SEMA3A: variants seen among roughly 807,000 people sequenced by gnomAD.
The protein encoded by SEMA3A is semaphorin 3A.
In SEMA3A, 29 loss-of-function variants were observed where a neutral mutation model predicts 97.9. That is an observed-to-expected ratio of 0.30 (90% CI 0.22 to 0.40). The LOEUF (loss-of-function observed/expected upper bound fraction) is 0.40. Among genes scored for constraint, SEMA3A ranks in the 10% least tolerant of loss-of-function variants. The probability of loss-of-function intolerance (pLI) is 1.00; values close to 1 mark genes in which losing one functional copy is unlikely to be tolerated. For synonymous variants in SEMA3A, 321 were observed against 323.7 expected (o/e 0.99, Z 0.09); for missense variants, 763 against 951.3 (o/e 0.80, Z 2.60).
intron 1 of SEMA3A, among the ~76,000 whole-genome samples, chr7:84,162,303 T>C (rs1000881785): frequency 6.6e-6 from 1 of 152,104 alleles, no homozygotes; most frequent in East Asian, 1.9e-4. Flanking sequence ...TGATCCTGTG[T>C]GTACACAATA....
At chr7:84,404,903 A>G (rs1314337429) in intron 1 of SEMA3A, among the ~76,000 whole-genome samples, 1 of 152,214 alleles carries the variant, frequency 6.6e-6, no homozygotes, top group African/African-American at 2.4e-5. Context: ...AGCACTAAAC[A>G]TGGAAAGGAA....
intron 6 of SEMA3A, among the ~76,000 whole-genome samples, chr7:84,023,417 AT>A (rs1427294311): frequency 6.6e-6 from 1 of 152,206 alleles, no homozygotes; most frequent in African/African-American, 2.4e-5. Context: ...TAATTAAGGC[AT>A]TTGGGGTATC....
intron 1 of SEMA3A, among the ~76,000 whole-genome samples, chr7:84,451,509 A>G (rs1008617458): frequency 3.3e-5 from 5 of 152,158 alleles, no homozygotes; most frequent in African/African-American, 9.7e-5. Context: ...GATTTTGATT[A>G]CTCTTACCTA....
chr7:84,470,010 GAA>G (rs1019714423), intron 1 of SEMA3A, among the ~76,000 whole-genome samples: 3 of 151,524 alleles, frequency 2.0e-5, no homozygotes, highest in Admixed American at 1.3e-4. Context: ...TAAAATGAAA[GAA>G]AATCATTAAA....
rs1206953754 is a variant in SEMA3A, at chr7:84,099,139, C to T, written c.453+11331G>A. Among the ~76,000 whole-genome samples the T allele has an allele frequency of 4.1e-4, 21 of 51,432 alleles. 4 individuals carry two copies. Among genetic ancestry groups the T allele is most frequent in the African/African-American group, 6.0e-4 (15 of 24,924 alleles). 33.7% of individuals were successfully genotyped at this position (51,432 alleles called of 152,430 possible). A position where few individuals can be genotyped will look rare whatever the true frequency, so the allele number is the denominator to read the frequency against. On this transcript the variant is annotated intron_variant, in intron 4 of 16. Transcript: ENST00000265362. Reference sequence around the variant, plus strand: ...AGGCTGGAGTGCAGTGGCGCGATCTCGGCTCACTGCAAGCTCCGCCTCCCG... The same window carrying T: ...AGGCTGGAGTGCAGTGGCGCGATCTTGGCTCACTGCAAGCTCCGCCTCCCG...
intron 1 of SEMA3A, among the ~76,000 whole-genome samples, chr7:84,445,517 A>AAAAAAAAAAAAAAAAAAAAAG: frequency 8.3e-6 from 1 of 119,788 alleles, no homozygotes; most frequent in Non-Finnish European, 1.6e-5. Context: ...AAAAAAAAAA[A>AAAAAAAAAAAAAAAAAAAAAG]AAAGAAAAGA....
intron 3 of SEMA3A, among the ~76,000 whole-genome samples, chr7:84,215,206 G>A (rs993855946): frequency 5.3e-5 from 8 of 151,368 alleles, no homozygotes; most frequent in African/African-American, 1.2e-4. Flanking sequence ...TTTTTTGGAC[G>A]TGGAGTTTTA....
chr7:84,481,664 A>G (rs1372272957), intron 1 of SEMA3A, among the ~76,000 whole-genome samples: 1 of 152,026 alleles, frequency 6.6e-6, no homozygotes, highest in African/African-American at 2.4e-5. Flanking sequence ...AATTAAGTTC[A>G]CTCTTTTCAG....
At chr7:84,069,773 C>G (rs1793672525) in intron 4 of SEMA3A, among the ~76,000 whole-genome samples, 1 of 152,008 alleles carries the variant, frequency 6.6e-6, no homozygotes, top group South Asian at 2.1e-4. Flanking sequence ...AAACAGCGTC[C>G]TCTTTAATAT....
At chr7:84,202,246 A>T (rs1054349459) in intron 3 of SEMA3A, among the ~76,000 whole-genome samples, 2 of 152,176 alleles carry the variant, frequency 1.3e-5, no homozygotes. Flanking sequence ...CAAAAGTGAT[A>T]ACTATGGGAG....
At chr7:84,061,835 T>C (rs184628711) in intron 4 of SEMA3A, among the ~76,000 whole-genome samples, 82 of 152,342 alleles carry the variant, frequency 5.4e-4, no homozygotes, top group African/African-American at 1.8e-3. Flanking sequence ...ATTTATTCTG[T>C]ATTTGGCAAT....
At chr7:84,220,661 TTG>T in intron 3 of SEMA3A, among the ~76,000 whole-genome samples, 1 of 152,162 alleles carries the variant, frequency 6.6e-6, no homozygotes, top group Non-Finnish European at 1.5e-5. Flanking sequence ...ATCAAAGCTG[TTG>T]GGTAATGAAG....
intron 16 of SEMA3A, 137 bp downstream of exon 16, chr7:83,963,068 C>A (rs1296136137): frequency 9.9e-6 from 9 of 910,064 alleles, no homozygotes; most frequent in Non-Finnish European, 1.4e-5. Flanking sequence ...AACACTTGTT[C>A]AATGAATGAG....
intron 3 of SEMA3A, among the ~76,000 whole-genome samples, chr7:84,113,726 A>G (rs1471596437): frequency 6.6e-6 from 1 of 152,168 alleles, no homozygotes; most frequent in African/African-American, 2.4e-5. Context: ...TGGCTTCCCA[A>G]GAGTCAGGCA....
At chr7:84,311,018 T>TA (rs1801300764) in intron 2 of SEMA3A, among the ~76,000 whole-genome samples, 1 of 132,600 alleles carries the variant, frequency 7.5e-6, no homozygotes, top group South Asian at 2.4e-4. Context: ...ATATATATAT[T>TA]TCTAATGGCT....
At chr7:84,111,496 A>G (rs533531175) in intron 3 of SEMA3A, among the ~76,000 whole-genome samples, 2 of 152,284 alleles carry the variant, frequency 1.3e-5, no homozygotes, top group South Asian at 2.1e-4. Context: ...TGCCCCCATA[A>G]AAGAAGGATC....
chr7:84,104,701 C>T (rs917090), intron 4 of SEMA3A, among the ~76,000 whole-genome samples: 64,411 of 151,820 alleles, frequency 0.42, 14,835 homozygotes, highest in Admixed American at 0.52. Flanking sequence ...TAAGCACTAC[C>T]TCTATTAATT....
intron 1 of SEMA3A, among the ~76,000 whole-genome samples, chr7:84,188,055 C>A (rs554526717): frequency 6.6e-6 from 1 of 152,140 alleles, no homozygotes; most frequent in Admixed American, 6.6e-5. Context: ...TTAAGTTACT[C>A]TAAGTTTTGG....
At chr7:84,027,416 AT>A (rs978996391) in intron 6 of SEMA3A, among the ~76,000 whole-genome samples, 1 of 152,168 alleles carries the variant, frequency 6.6e-6, no homozygotes, top group African/African-American at 2.4e-5. Flanking sequence ...TATCTTCTGC[AT>A]TTTTATAATA....
Sources: allele counts gnomAD v4.1 joint callset (sites outside exome capture counted in the v4.1 genomes callset), GRCh38; gene constraint gnomAD v4.1.1; transcripts MANE v1.5; gene names NCBI Gene and HGNC (gene_info 2026-07-23, HGNC 2026-07-21).